The following GLMN variants were observed in gnomAD, a reference collection of about 807,000 sequenced individuals.
GLMN encodes the protein glomulin.
GLMN carries 75 observed loss-of-function variants against 87.8 expected under a neutral mutation model. That is an observed-to-expected ratio of 0.85 (90% CI 0.71 to 1.04). The LOEUF (loss-of-function observed/expected upper bound fraction) is 1.04, where lower values mean the gene tolerates loss of function less well. Ranked by LOEUF, GLMN falls within the 50% of genes least tolerant of loss-of-function variation. The pLI, the probability that GLMN is intolerant of heterozygous loss-of-function variation, is 0.00. For missense variants in GLMN, 588 were observed against 658.8 expected (o/e 0.89, Z 1.18); for synonymous variants, 206 against 221.6 (o/e 0.93, Z 0.63).
At chr1:92,346,089 ATTAT>A in the GLMN span, among the ~76,000 whole-genome samples, 1 of 149,286 alleles carries the variant, frequency 6.7e-6, no homozygotes, top group Non-Finnish European at 1.5e-5. Context: ...GTGATATGTA[ATTAT>A]TCTCTATATT....
At chr1:92,290,021 T>C (rs1196695486) in intron 5 of GLMN, among the ~76,000 whole-genome samples, 177 bp downstream of exon 5, 1 of 152,212 alleles carries the variant, frequency 6.6e-6, no homozygotes, top group Non-Finnish European at 1.5e-5. Flanking sequence ...TCTGGCCAGA[T>C]ACTATAATCT....
At chr1:92,278,078 A>C (rs1461414185) in intron 7 of GLMN, among the ~76,000 whole-genome samples, 1 of 152,126 alleles carries the variant, frequency 6.6e-6, no homozygotes. Flanking sequence ...TGTCCGTTGT[A>C]CAACTGCTTG....
At chr1:92,269,922 T>C (rs905668526) in intron 8 of GLMN, 146 bp from the exon 9 acceptor site, 10 of 634,388 alleles carry the variant, frequency 1.6e-5, no homozygotes, top group Admixed American at 2.4e-5. Context: ...TTTGACCTTA[T>C]TTGGAGATAG....
the GLMN span, among the ~76,000 whole-genome samples, chr1:92,351,431 A>G: frequency 6.6e-6 from 1 of 152,112 alleles, no homozygotes; most frequent in Non-Finnish European, 1.5e-5. Flanking sequence ...TACCCACAAT[A>G]TAAGAAACCT....
chr1:92,266,574 T>A (rs750902410), intron 12 of GLMN, 82 bp from the exon 13 acceptor site: 1 of 1,006,218 alleles, frequency 9.9e-7, no homozygotes, highest in South Asian at 1.3e-5. Flanking sequence ...ATGCATGTAA[T>A]ACATCCACAC....
At chr1:92,287,034 C>T (rs567314561) in intron 6 of GLMN, among the ~76,000 whole-genome samples, 238 of 152,272 alleles carry the variant, frequency 1.6e-3, no homozygotes, top group African/African-American at 4.6e-3. Context: ...ACTCAATGGT[C>T]TATAAAACTG....
chr1:92,263,600 A>G (rs1269465520), intron 15 of GLMN, 23 bp downstream of exon 15: 3 of 968,250 alleles, frequency 3.1e-6, no homozygotes, highest in Non-Finnish European at 5.1e-6. Context: ...TTACTATGTG[A>G]ACTTTGGTAA....
intron 16 of GLMN, among the ~76,000 whole-genome samples, chr1:92,256,124 C>A (rs939967618): frequency 2.6e-5 from 4 of 152,156 alleles, no homozygotes; most frequent in African/African-American, 9.7e-5. Flanking sequence ...ATAAACACCT[C>A]TATGCAAATT....
Position 92,290,182 on chromosome 1 carries a change from T to C in GLMN, c.394+16A>G, listed in dbSNP as rs1015972249. The C allele has an allele frequency of 3.6e-6, 5 of 1,374,428 alleles. No homozygotes were observed. The African/African-American group carries it at 5.7e-5, about 16-fold the overall frequency. 85.1% of individuals were successfully genotyped at this position (1,374,428 alleles called of 1,614,324 possible). On this transcript the variant is annotated intron_variant, in intron 5 of 18. Coordinates refer to ENST00000370360, the MANE Select transcript of GLMN (RefSeq NM_053274.3). Reference sequence around the variant, plus strand: ...AGATACAACAAGAAGTACTCTGATATCAAAATTCTCATTACCTGTTTGTAA... The same window carrying C: ...AGATACAACAAGAAGTACTCTGATACCAAAATTCTCATTACCTGTTTGTAA...
At chr1:92,345,777 T>A in the GLMN span, 2 of 961,626 alleles carry the variant, frequency 2.1e-6, no homozygotes, top group Non-Finnish European at 3.2e-6. Context: ...AAATCTGATG[T>A]TATCTAGAAA....
intron 16 of GLMN, among the ~76,000 whole-genome samples, chr1:92,257,364 CACTG>C (rs901996163): frequency 1.1e-4 from 16 of 152,150 alleles, no homozygotes; most frequent in African/African-American, 3.9e-4. Context: ...ATCAAGCTAC[CACTG>C]ACTTTCTTCA....
Position 92,267,868 on chromosome 1 carries a change from C to T in GLMN, c.1098+45G>A, listed in dbSNP as rs1223190979. ...AAAAGACCTTACTTTAAGTTCAGAA[C>T]AGGCAAAGGGCTATTTTCAATATTA... On this transcript the variant is annotated intron_variant, in intron 11 of 18. Coordinates refer to ENST00000370360, the MANE Select transcript of GLMN (RefSeq NM_053274.3). The T allele has an allele frequency of 3.2e-6, 3 of 937,086 alleles. No individual in the cohort carries two copies. In the Admixed American group the frequency reaches 5.1e-5, roughly 16 times the overall value. 58.0% of individuals were successfully genotyped at this position (937,086 alleles called of 1,614,324 possible). A position where few individuals can be genotyped will look rare whatever the true frequency, so the allele number is the denominator to read the frequency against.
chr1:92,361,434 T>C, the GLMN span, among the ~76,000 whole-genome samples: 4 of 152,176 alleles, frequency 2.6e-5, no homozygotes, highest in African/African-American at 9.6e-5. Flanking sequence ...CTTGGATAAA[T>C]TATTGTTGAT....
At chr1:92,354,193 T>A in the GLMN span, among the ~76,000 whole-genome samples, 1 of 152,128 alleles carries the variant, frequency 6.6e-6, no homozygotes, top group African/African-American at 2.4e-5. Flanking sequence ...CTGATTGAGC[T>A]CCCTGAGAGC....
the GLMN span, among the ~76,000 whole-genome samples, chr1:92,358,130 T>G: frequency 6.6e-6 from 1 of 152,194 alleles, no homozygotes; most frequent in Non-Finnish European, 1.5e-5. Context: ...TGATACTATC[T>G]TCCACCTTGC....
At chr1:92,323,461 G>T in the GLMN span, 178 of 1,589,080 alleles carry the variant, frequency 1.1e-4, 1 homozygote, top group Non-Finnish European at 1.4e-4. Flanking sequence ...TTCTGGAGAA[G>T]AAGTACAGTT....
intron 13 of GLMN, among the ~76,000 whole-genome samples, 190 bp downstream of exon 13, chr1:92,266,229 T>C (rs1388697191): frequency 6.6e-6 from 1 of 152,220 alleles, no homozygotes; most frequent in Non-Finnish European, 1.5e-5. Flanking sequence ...TATAGACATA[T>C]ATATAGTATG....
chr1:92,283,793 T>G (rs1260375644), intron 7 of GLMN, among the ~76,000 whole-genome samples: 3 of 152,146 alleles, frequency 2.0e-5, no homozygotes, highest in African/African-American at 7.2e-5. Flanking sequence ...AAAATCAATG[T>G]GCAAAAATCA....
chr1:92,360,119 T>G, the GLMN span, among the ~76,000 whole-genome samples: 1 of 152,250 alleles, frequency 6.6e-6, no homozygotes, highest in African/African-American at 2.4e-5. Context: ...ATATGTACTT[T>G]GCACTGCAGT....
Sources: gnomAD v4.1 joint callset for allele counts (sites outside exome capture counted in the v4.1 genomes callset) on GRCh38, gnomAD v4.1.1 for gene constraint, MANE v1.5 for transcripts, NCBI Gene and HGNC (gene_info 2026-07-23, HGNC 2026-07-21) for gene names.